GPC5: variants seen among roughly 807,000 people sequenced by gnomAD.
The protein encoded by GPC5 is glypican-5.
A neutral mutation model predicts 53.9 loss-of-function variants in GPC5; 47 were observed. The observed-to-expected ratio is 0.87, with a 90% CI of 0.69 to 1.11. The LOEUF (loss-of-function observed/expected upper bound fraction) is 1.11. GPC5 is among the 50% of genes most tolerant of loss of function. GPC5 has a pLI of 0.00. For synonymous variants in GPC5, 286 were observed against 263.3 expected, an observed-to-expected ratio of 1.09 and a Z score of -0.84; for missense variants, 748 against 713.1, an observed-to-expected ratio of 1.05 and a Z score of -0.56.
At chr13:91,403,144 G>C (rs977728531) in intron 1 of GPC5, among the ~76,000 whole-genome samples, 4 of 152,204 alleles carry the variant, frequency 2.6e-5, no homozygotes, top group Non-Finnish European at 5.9e-5. Context: ...GTGTTTGTGG[G>C]GATCAAATTT....
intron 7 of GPC5, among the ~76,000 whole-genome samples, chr13:92,169,201 G>C (rs1198197158): frequency 6.6e-6 from 1 of 152,130 alleles, no homozygotes; most frequent in Non-Finnish European, 1.5e-5. Flanking sequence ...CGGGAAGGGA[G>C]AGCATTGGGA....
intron 7 of GPC5, among the ~76,000 whole-genome samples, chr13:92,235,882 T>C (rs1307543863): frequency 6.6e-6 from 1 of 152,090 alleles, no homozygotes; most frequent in Non-Finnish European, 1.5e-5. Context: ...AGCCACTGTA[T>C]TTTTAGTTGT....
intron 7 of GPC5, among the ~76,000 whole-genome samples, chr13:92,811,309 C>T (rs1877291168): frequency 6.6e-6 from 1 of 151,952 alleles, no homozygotes; most frequent in South Asian, 2.1e-4. Flanking sequence ...TTCCCAGGAG[C>T]AATGTACACA....
At chr13:92,292,755 A>G (rs2043006865) in intron 7 of GPC5, among the ~76,000 whole-genome samples, 1 of 152,266 alleles carries the variant, frequency 6.6e-6, no homozygotes, top group South Asian at 2.1e-4. Context: ...GCCAGTGTCT[A>G]GAAGTTTTTC....
At chr13:92,422,488 T>TCACACACACACACACACACACACACA (rs6145177) in intron 7 of GPC5, among the ~76,000 whole-genome samples, 1 of 133,314 alleles carries the variant, frequency 7.5e-6, no homozygotes, top group African/African-American at 2.9e-5. Context: ...CATCACCATC[T>TCACACACACACACACACACACACACA]CACACACACA....
chr13:92,800,096 C>T (rs192176351), intron 7 of GPC5, among the ~76,000 whole-genome samples: 254 of 151,948 alleles, frequency 1.7e-3, no homozygotes, highest in African/African-American at 5.6e-3. Flanking sequence ...AAACAATTTA[C>T]TTTCATCCAA....
At chr13:92,407,148 G>A (rs752028745) in intron 7 of GPC5, among the ~76,000 whole-genome samples, 1 of 152,106 alleles carries the variant, frequency 6.6e-6, no homozygotes, top group Non-Finnish European at 1.5e-5. Flanking sequence ...TTTGCAACAG[G>A]GAGACAGAAA....
intron 6 of GPC5, among the ~76,000 whole-genome samples, chr13:92,051,881 C>CT (rs1236739013): frequency 2.0e-5 from 3 of 152,114 alleles, no homozygotes; most frequent in Non-Finnish European, 2.9e-5. Flanking sequence ...TGGCAGGACT[C>CT]TTTTTTTAGA....
intron 2 of GPC5, among the ~76,000 whole-genome samples, chr13:91,491,706 T>G (rs1333106643): frequency 1.3e-5 from 2 of 152,168 alleles, no homozygotes; most frequent in South Asian, 2.1e-4. Context: ...CTCTGGTGAC[T>G]GCTTGGTTTG....
At chr13:92,097,467 C>T (rs2041431089) in intron 6 of GPC5, among the ~76,000 whole-genome samples, 1 of 152,100 alleles carries the variant, frequency 6.6e-6, no homozygotes, top group Non-Finnish European at 1.5e-5. Context: ...TTTGCTAATA[C>T]CAGAGGAAGA....
chr13:92,253,003 A>G (rs1429262697), intron 7 of GPC5, among the ~76,000 whole-genome samples: 1 of 152,130 alleles, frequency 6.6e-6, no homozygotes, highest in East Asian at 1.9e-4. Context: ...GAATGGCAGA[A>G]AGTGGAAATG....
intron 6 of GPC5, among the ~76,000 whole-genome samples, chr13:92,077,975 A>C (rs1594754704): frequency 8.3e-6 from 1 of 120,834 alleles, no homozygotes. Flanking sequence ...ATAGGCAGAT[A>C]GATAGATATA....
intron 2 of GPC5, among the ~76,000 whole-genome samples, chr13:91,630,649 C>G (rs1442499762): frequency 3.3e-5 from 5 of 152,050 alleles, no homozygotes; most frequent in Non-Finnish European, 7.4e-5. Flanking sequence ...GGGCCTGTCC[C>G]CAAATTACAG....
At chr13:92,520,755 A>T (rs190044542) in intron 7 of GPC5, among the ~76,000 whole-genome samples, 84 of 152,266 alleles carry the variant, frequency 5.5e-4, no homozygotes, top group Middle Eastern at 3.4e-3. Flanking sequence ...AATCCTGTTC[A>T]ACATAGTGTT....
At chr13:91,819,392 C>G (rs2038455203) in intron 5 of GPC5, among the ~76,000 whole-genome samples, 1 of 151,944 alleles carries the variant, frequency 6.6e-6, no homozygotes, top group Non-Finnish European at 1.5e-5. Context: ...AACTCCTGAC[C>G]TCGTGATTCG....
At chr13:92,337,738 G>A (rs1926646) in intron 7 of GPC5, among the ~76,000 whole-genome samples, 61,387 of 151,918 alleles carry the variant, frequency 0.4, 12,548 homozygotes, top group Middle Eastern at 0.51. Flanking sequence ...ATGCTGGAAC[G>A]ACTGGATTTA....
At chr13:91,572,975 G>C (rs1434071267) in intron 2 of GPC5, among the ~76,000 whole-genome samples, 2 of 152,068 alleles carry the variant, frequency 1.3e-5, no homozygotes, top group African/African-American at 2.4e-5. Context: ...CGGAGAAAAG[G>C]AAAGCAACTT....
chr13:92,218,719 C>T (rs1377273486), intron 7 of GPC5, among the ~76,000 whole-genome samples: 1 of 152,146 alleles, frequency 6.6e-6, no homozygotes, highest in Non-Finnish European at 1.5e-5. Flanking sequence ...ATCCAGCTTT[C>T]CCGAAATTGT....
intron 7 of GPC5, among the ~76,000 whole-genome samples, chr13:92,427,746 A>G (rs908745653): frequency 1.3e-5 from 2 of 152,144 alleles, no homozygotes; most frequent in African/African-American, 4.8e-5. Context: ...GTGCAAGCCT[A>G]GCCCAATAAC....
Sources: allele counts gnomAD v4.1 joint callset (sites outside exome capture counted in the v4.1 genomes callset), GRCh38; gene constraint gnomAD v4.1.1; transcripts MANE v1.5; gene names NCBI Gene and HGNC (gene_info 2026-07-23, HGNC 2026-07-21).